TMEM230: variants seen among roughly 807,000 people sequenced by gnomAD.
The protein encoded by TMEM230 is transmembrane protein 230.
TMEM230 carries 10 observed loss-of-function variants against 15.8 expected under a neutral mutation model. That is an observed-to-expected ratio of 0.63 (90% CI 0.39 to 1.07). TMEM230 has a LOEUF of 1.07. Ranked by LOEUF, TMEM230 falls within the 50% of genes least tolerant of loss-of-function variation. The pLI, the probability that TMEM230 is intolerant of heterozygous loss-of-function variation, is 0.01. For missense variants in TMEM230, 165 were observed against 193.3 expected, an observed-to-expected ratio of 0.85 and a Z score of 0.87; for synonymous variants, 67 against 76.9, an observed-to-expected ratio of 0.87 and a Z score of 0.68.
At chr20:5,106,099 ACACACACACACACACACACACG>A in intron 4 of TMEM230, 67 bp downstream of exon 3, 1 of 1,496,764 alleles carries the variant, frequency 6.7e-7, no homozygotes, top group South Asian at 1.3e-5. Flanking sequence ...ACACACACAC[ACACACACACACACACACACACG>A]CACACTAGAG....
downstream of TMEM230, among the ~76,000 whole-genome samples, chr20:5,063,555 C>T (rs564903422): frequency 6.6e-6 from 1 of 152,068 alleles, no homozygotes; most frequent in East Asian, 1.9e-4. Flanking sequence ...TCCCAGAGTG[C>T]TGGGATTAGA....
At chr20:5,076,676 C>CTTT (rs763498321) in intron 3 of TMEM230, among the ~76,000 whole-genome samples, 2,181 of 127,400 alleles carry the variant, frequency 0.017, 165 homozygotes, top group African/African-American at 0.064. Context: ...GATTGATATT[C>CTTT]TTTTTTTTTT....
At chr20:5,106,089 A>T in intron 4 of TMEM230, 99 bp downstream of exon 3, 1 of 1,386,188 alleles carries the variant, frequency 7.2e-7, no homozygotes, top group Non-Finnish European at 9.6e-7. Flanking sequence ...ACACACACAC[A>T]CACACACACA....
chr20:5,087,498 C>T (rs1319389072), intron 3 of TMEM230, among the ~76,000 whole-genome samples: 3 of 148,674 alleles, frequency 2.0e-5, no homozygotes, highest in Admixed American at 6.6e-5. Flanking sequence ...AGTAAGAGGA[C>T]ATATTTTTTT....
chr20:5,097,838 T>C (rs2089708225), downstream of TMEM230, among the ~76,000 whole-genome samples: 1 of 140,714 alleles, frequency 7.1e-6, no homozygotes, highest in Non-Finnish European at 1.5e-5. Flanking sequence ...CTTGAACTCC[T>C]GACCTCAAGT....
At chr20:5,080,226 T>C (rs2089139951) in intron 3 of TMEM230, among the ~76,000 whole-genome samples, 1 of 152,232 alleles carries the variant, frequency 6.6e-6, no homozygotes, top group Non-Finnish European at 1.5e-5. Flanking sequence ...AAAATCTCTG[T>C]GTCCTTAATG....
Position 5,112,995 on chromosome 20 carries a change from G to A in TMEM230, c.34C>T (p.Leu12Phe). The A allele has an allele frequency of 6.4e-7, 1 of 1,550,858 alleles. No homozygotes were observed. Among genetic ancestry groups the A allele is most frequent in the Non-Finnish European group, 8.7e-7 (1 of 1,147,568 alleles). ...GCGCCAGGCCGCCCGCACACCCAGA[G>A]CTCGCCCACGGTTGGCAGCGCCCAA... Residue 12 changes from leucine (L) to phenylalanine (F), a missense_variant, in exon 1 of 5, where the codon CTC becomes TTC. By Grantham distance (22) the Leu-to-Phe change is conservative (BLOSUM62 0). Coordinates refer to ENST00000342308, the MANE Select transcript of TMEM230 (RefSeq NM_001009923.2).
At position 5,100,260 on chromosome 20, in the gene TMEM230, C is replaced by G. The variant is rs187354207; in HGVS notation, c.*531G>C. The G allele has an allele frequency of 1.4e-5, 14 of 985,418 alleles. No homozygotes were observed. In the African/African-American group the frequency reaches 2.4e-4, roughly 17 times the overall value. The allele number at this position is 985,418 out of a possible 1,614,324, so 61.0% of individuals were successfully genotyped here. ...ACTTGCTCTGCAGGATAAAAAAATT[C>G]CTGGTTGCTGTCAGTAAGAAAGCAA... On this transcript the variant is annotated 3_prime_UTR_variant, in exon 5 of 5. Coordinates refer to ENST00000342308, the MANE Select transcript of TMEM230 (RefSeq NM_001009923.2).
At chr20:5,112,718 G>T (rs1010588603) in intron 1 of TMEM230, 3 of 1,427,308 alleles carry the variant, frequency 2.1e-6, no homozygotes, top group Middle Eastern at 3.7e-4. Flanking sequence ...GGCATTACGC[G>T]CCTCTACATA....
At chr20:5,097,969 ATTTTTTTTTTTTTTTT>A (rs5840073), downstream of TMEM230, among the ~76,000 whole-genome samples, 35 of 67,254 alleles carry the variant, frequency 5.2e-4, 3 homozygotes, top group South Asian at 0.013. Context: ...CTAACTCAGG[ATTTTTTTTTTTTTTTT>A]TTTTTTTTTT....
At chr20:5,087,704 T>TC (rs2089385695) in intron 3 of TMEM230, among the ~76,000 whole-genome samples, 1 of 144,674 alleles carries the variant, frequency 6.9e-6, no homozygotes, top group African/African-American at 2.5e-5. Flanking sequence ...GGCTTTTTTT[T>TC]TTTTTTTTTT....
At chr20:5,059,347 C>T in the TMEM230 span, among the ~76,000 whole-genome samples, 5 of 151,924 alleles carry the variant, frequency 3.3e-5, no homozygotes, top group Non-Finnish European at 7.4e-5. Context: ...AAAAAAAATT[C>T]TCAACAACAA....
intron 3 of TMEM230, among the ~76,000 whole-genome samples, chr20:5,091,014 T>A (rs1311178190): frequency 1.3e-5 from 2 of 152,178 alleles, no homozygotes; most frequent in African/African-American, 4.8e-5. Context: ...TGTTGAATTT[T>A]TTTTTAGGCA....
intron 1 of TMEM230, chr20:5,112,704 G>A: frequency 7.0e-7 from 1 of 1,423,934 alleles, no homozygotes; most frequent in Middle Eastern, 1.9e-4. Flanking sequence ...GGCACACAGT[G>A]CCTGGCATTA....
intron 3 of TMEM230, among the ~76,000 whole-genome samples, chr20:5,073,696 T>C (rs1475835791): frequency 6.6e-6 from 1 of 152,222 alleles, no homozygotes; most frequent in Non-Finnish European, 1.5e-5. Flanking sequence ...TCTCTCTTCC[T>C]TTCACTCTTA....
downstream of TMEM230, among the ~76,000 whole-genome samples, chr20:5,063,277 AT>A (rs1165126313): frequency 0.022 from 1,908 of 86,248 alleles, 4 homozygotes; most frequent in African/African-American, 0.052. Flanking sequence ...GCTGCTATGA[AT>A]TTTTTTTTTT....
At chr20:5,105,254 C>T (rs1010803811) in intron 4 of TMEM230, among the ~76,000 whole-genome samples, 73 of 152,286 alleles carry the variant, frequency 4.8e-4, no homozygotes, top group African/African-American at 1.8e-3. Context: ...CCACTGCACT[C>T]CAGCCTGGGT....
chr20:5,104,927 T>C (rs2090010585), intron 4 of TMEM230, among the ~76,000 whole-genome samples: 1 of 152,222 alleles, frequency 6.6e-6, no homozygotes, highest in Non-Finnish European at 1.5e-5. Context: ...TTACATAGAA[T>C]GAATAAGCTC....
At chr20:5,092,773 C>T (rs2089549816) in intron 3 of TMEM230, among the ~76,000 whole-genome samples, 2 of 151,572 alleles carry the variant, frequency 1.3e-5, no homozygotes, top group Non-Finnish European at 2.9e-5. Context: ...ACATGATCAT[C>T]TCAATAGATG....
Sources: gnomAD v4.1 joint callset for allele counts (sites outside exome capture counted in the v4.1 genomes callset) on GRCh38, gnomAD v4.1.1 for gene constraint, MANE v1.5 for transcripts, NCBI Gene and HGNC (gene_info 2026-07-23, HGNC 2026-07-21) for gene names.